The following BCAS3 variants were observed in gnomAD, a reference collection of about 807,000 sequenced individuals.
BCAS3 encodes the protein BCAS4/BCAS3 fusion.
Under a neutral mutation model 116.1 loss-of-function variants are expected in BCAS3, and 53 were observed. That is an observed-to-expected ratio of 0.46 (90% CI 0.37 to 0.57). BCAS3 has a LOEUF of 0.57. Among genes scored for constraint, BCAS3 ranks in the 20% least tolerant of loss-of-function variants. The pLI, the probability that BCAS3 is intolerant of heterozygous loss-of-function variation, is 0.00. For missense variants in BCAS3, 917 were observed against 1,165.4 expected (o/e 0.79, Z 3.10); for synonymous variants, 391 against 408.2 (o/e 0.96, Z 0.51).
intron 22 of BCAS3, among the ~76,000 whole-genome samples, chr17:61,250,814 A>G (rs1193348940): frequency 6.6e-6 from 1 of 152,188 alleles, no homozygotes; most frequent in Admixed American, 6.5e-5. Flanking sequence ...CCTGAAAACG[A>G]GTGATCAACC....
chr17:60,948,166 G>A (rs975981236), intron 14 of BCAS3, among the ~76,000 whole-genome samples: 1 of 151,450 alleles, frequency 6.6e-6, no homozygotes, highest in Non-Finnish European at 1.5e-5. Flanking sequence ...GTGCAGTGGC[G>A]CTGCGATCTT....
In BCAS3 at chr17:61,198,132, G is replaced by GTTTTTTTTTTTT. The variant is rs11311858; in HGVS notation, c.2425+113569_2425+113580dup. 7.0e-6 allele frequency among the ~76,000 whole-genome samples: 1 copy of GTTTTTTTTTTTT among 143,654 alleles called. No homozygotes were observed. Among genetic ancestry groups the GTTTTTTTTTTTT allele is most frequent in the Non-Finnish European group, 1.5e-5 (1 of 65,482 alleles). The allele number at this position is 143,654 out of a possible 152,430, so 94.2% of individuals were successfully genotyped here. On this transcript the variant is annotated intron_variant, in intron 22 of 23. Transcript: ENST00000407086. The surrounding 1 kb of genome is among the most constrained non-coding windows in gnomAD (Gnocchi z 5.0). Reference sequence around the variant, plus strand: ...GCGATTAAGATAAAGTGCAAGATATGTTTTTTTTTTTTCTTTTTTTTTTTT... The same window carrying GTTTTTTTTTTTT: ...GCGATTAAGATAAAGTGCAAGATATGTTTTTTTTTTTTTTTTTTTTTTTTCTTTTTTTTTTTT...
intron 22 of BCAS3, among the ~76,000 whole-genome samples, chr17:61,169,797 A>G (rs1024179854): frequency 6.6e-6 from 1 of 152,202 alleles, no homozygotes; most frequent in African/African-American, 2.4e-5. Flanking sequence ...TATCTCATGT[A>G]AAATAGATTT....
Position 60,868,172 on chromosome 17 carries a change from A to G in BCAS3, c.477-404A>G, listed in dbSNP as rs188456396. Reference sequence around the variant, plus strand: ...CCAGAGAAGCTGGGACTACAGGCACATGCCACCATGCCTGCCTAATTTTTG... The same window carrying G: ...CCAGAGAAGCTGGGACTACAGGCACGTGCCACCATGCCTGCCTAATTTTTG... On this transcript the variant is annotated intron_variant, in intron 7 of 23. Coordinates refer to ENST00000407086, the MANE Select transcript of BCAS3 (RefSeq NM_017679.5). Among the ~76,000 whole-genome samples the G allele has an allele frequency of 7.2e-5, 11 of 151,900 alleles. No individual in the cohort carries two copies. The East Asian group carries it at 2.1e-3, about 30-fold the overall frequency.
rs2076523015 is a variant in BCAS3 at position 61,134,653 on chromosome 17, G to A, written c.2425+50089G>A. Among the ~76,000 whole-genome samples the A allele has an allele frequency of 6.6e-6, 1 of 152,168 alleles. No individual in the cohort carries two copies. The highest frequency in any genetic ancestry group is 2.1e-4 in the South Asian group (1 of 4,832). On this transcript the variant is annotated intron_variant, in intron 22 of 23. Coordinates refer to ENST00000407086, the MANE Select transcript of BCAS3 (RefSeq NM_017679.5). This position sits in a 1 kb window ranked among gnomAD's most constrained non-coding sequence, Gnocchi z 4.6. Reference sequence around the variant, plus strand: ...GATTGTAATGACATTTCAAGTTAATGATAGCTAGCATTGATGGAGCCTGTA... The same window carrying A: ...GATTGTAATGACATTTCAAGTTAATAATAGCTAGCATTGATGGAGCCTGTA...
intron 22 of BCAS3, among the ~76,000 whole-genome samples, chr17:61,298,316 A>G (rs1568787038): frequency 6.6e-6 from 1 of 152,058 alleles, no homozygotes; most frequent in Non-Finnish European, 1.5e-5. Context: ...CCCTTAACTC[A>G]TTAGGGGTCA....
intron 22 of BCAS3, among the ~76,000 whole-genome samples, chr17:61,255,553 A>T (rs1490378300): frequency 6.6e-6 from 1 of 152,226 alleles, no homozygotes; most frequent in African/African-American, 2.4e-5. Flanking sequence ...CACAGTGGGC[A>T]CATCTTTGCA....
intron 19 of BCAS3, among the ~76,000 whole-genome samples, chr17:61,058,043 A>G (rs1328142489): frequency 6.6e-6 from 1 of 152,026 alleles, no homozygotes; most frequent in Non-Finnish European, 1.5e-5. Context: ...TGACTGTTCC[A>G]TTTATCAAAA....
intron 5 of BCAS3, among the ~76,000 whole-genome samples, chr17:60,710,882 A>G (rs1299584904): frequency 6.8e-6 from 1 of 147,588 alleles, no homozygotes; most frequent in Non-Finnish European, 1.5e-5. Flanking sequence ...AATTCACTCT[A>G]TCCTCCACCT....
chr17:60,699,156 A>G (rs1056146007), intron 4 of BCAS3, among the ~76,000 whole-genome samples: 1 of 152,232 alleles, frequency 6.6e-6, no homozygotes, highest in Admixed American at 6.5e-5. Context: ...GTCAGATTTG[A>G]TGATGTACAC....
intron 13 of BCAS3, among the ~76,000 whole-genome samples, chr17:60,944,601 C>T (rs765501034): frequency 6.6e-6 from 1 of 151,960 alleles, no homozygotes. Flanking sequence ...CAGTATTTCT[C>T]AGGGACACAG....
intron 12 of BCAS3, among the ~76,000 whole-genome samples, chr17:60,917,124 A>G (rs961212774): frequency 1.3e-5 from 2 of 152,244 alleles, no homozygotes; most frequent in African/African-American, 4.8e-5. Flanking sequence ...TCATCAACTG[A>G]TGAATGGGTG....
At chr17:61,112,807 C>G (rs984536549) in intron 22 of BCAS3, among the ~76,000 whole-genome samples, 3 of 151,798 alleles carry the variant, frequency 2.0e-5, no homozygotes, top group Non-Finnish European at 4.4e-5. Context: ...TCACACCACA[C>G]CTATTCCAAA....
intron 4 of BCAS3, among the ~76,000 whole-genome samples, chr17:60,707,597 T>C (rs1251334952): frequency 1.3e-5 from 2 of 152,240 alleles, no homozygotes; most frequent in Non-Finnish European, 2.9e-5. Flanking sequence ...CATCTTTGTC[T>C]TGTTCTGCCT....
chr17:61,167,797 A>T (rs541269015), intron 22 of BCAS3, among the ~76,000 whole-genome samples: 1 of 152,334 alleles, frequency 6.6e-6, no homozygotes, highest in East Asian at 1.9e-4. Context: ...ATTGTTTGGA[A>T]GGACATTTCA....
rs2051330832 is a variant in BCAS3 at position 61,282,542 on chromosome 17, TA to T, written c.2426-85784del. ...AAAGTTGGTTTCGTTGGCTTACTCT[TA>T]GACAGATGTGACTTCCTGTGTCAGC... On this transcript the variant is annotated intron_variant, in intron 22 of 23. Transcript: ENST00000407086. This position sits in a 1 kb window ranked among gnomAD's most constrained non-coding sequence, Gnocchi z 5.9. 1.3e-5 allele frequency among the ~76,000 whole-genome samples: 2 copies of T among 152,226 alleles called. No homozygotes were observed. Among genetic ancestry groups the T allele is most frequent in the Non-Finnish European group, 2.9e-5 (2 of 68,038 alleles).
At chr17:60,729,173 T>C (rs1351702512) in intron 5 of BCAS3, among the ~76,000 whole-genome samples, 1 of 152,230 alleles carries the variant, frequency 6.6e-6, no homozygotes, top group Non-Finnish European at 1.5e-5. Context: ...CATTTTTTGT[T>C]TGTTTTTATT....
rs767755907 is a variant in BCAS3, at chr17:61,227,954, G to T, written c.2426-140373G>T. 6.6e-6 allele frequency among the ~76,000 whole-genome samples: 1 copy of T among 152,164 alleles called. No individual in the cohort carries two copies. Among genetic ancestry groups the T allele is most frequent in the African/African-American group, 2.4e-5 (1 of 41,450 alleles). On this transcript the variant is annotated intron_variant, in intron 22 of 23. Coordinates refer to ENST00000407086, the MANE Select transcript of BCAS3 (RefSeq NM_017679.5). This position sits in a 1 kb window ranked among gnomAD's most constrained non-coding sequence, Gnocchi z 6.1. ...GAGTGAACCCTCAGGGAAATAAAGT[G>T]CAAAGGCTTAGCCACAGGTGTAGCC...
rs78397837 is a variant in BCAS3 at position 61,259,559 on chromosome 17, G to C, written c.2426-108768G>C. ...TGTGAACTGCTACTCCAGAAAGCAA[G>C]TTGGTCAACAGAAGAATTTTAATGA... is the stretch of plus-strand genomic sequence containing the variant. On this transcript the variant is annotated intron_variant, in intron 22 of 23. Transcript: ENST00000407086. The surrounding 1 kb of genome is among the most constrained non-coding windows in gnomAD (Gnocchi z 4.7). Among the ~76,000 whole-genome samples, 6 of 152,166 alleles carry C rather than the reference G, an allele frequency of 3.9e-5. No homozygotes were observed. Among genetic ancestry groups the C allele is most frequent in the Non-Finnish European group, 1.5e-5 (1 of 68,024 alleles).
Sources: gnomAD v4.1 joint callset for allele counts (sites outside exome capture counted in the v4.1 genomes callset) on GRCh38, gnomAD v4.1.1 for gene constraint, Gnocchi (gnomAD v3.1) non-coding constraint, MANE v1.5 for transcripts, NCBI Gene and HGNC (gene_info 2026-07-23, HGNC 2026-07-21) for gene names.